The following UGT1A6 variants were observed in gnomAD, a reference collection of about 807,000 sequenced individuals.
UGT1A6 encodes UDP-glucuronosyltransferase 1A6.
UGT1A6 carries 32 observed loss-of-function variants against 44.4 expected under a neutral mutation model. The ratio of observed to expected loss-of-function variants is 0.72; its 90% CI spans 0.54 to 0.97. The LOEUF (loss-of-function observed/expected upper bound fraction) is 0.97. Among genes scored for constraint, UGT1A6 ranks in the 50% least tolerant of loss-of-function variants. UGT1A6 has a pLI of 0.00. For synonymous variants in UGT1A6, 238 were observed against 248.5 expected (o/e 0.96, Z 0.40); for missense variants, 685 against 661.9 (o/e 1.03, Z -0.38).
At chr2:233,768,114 G>T in intron 3 of UGT1A6, 106 bp from the exon 4 acceptor site, 2 of 1,597,766 alleles carry the variant, frequency 1.3e-6, no homozygotes. Flanking sequence ...TTCTGCAAGG[G>T]CATGTGAGTA....
intron 1 of UGT1A6, among the ~76,000 whole-genome samples, chr2:233,716,262 C>T (rs2076494845): frequency 6.6e-6 from 1 of 152,162 alleles, no homozygotes; most frequent in Admixed American, 6.5e-5. Flanking sequence ...GCATAATCTC[C>T]CCATGTCAAA....
chr2:233,734,102 A>G (rs1165382391), intron 1 of UGT1A6, among the ~76,000 whole-genome samples: 2 of 142,668 alleles, frequency 1.4e-5, no homozygotes, highest in East Asian at 3.9e-4. Flanking sequence ...AACTTAAAGT[A>G]TAATAATAAT....
At chr2:233,709,379 A>T (rs1314181850) in intron 1 of UGT1A6, among the ~76,000 whole-genome samples, 1 of 152,092 alleles carries the variant, frequency 6.6e-6, no homozygotes, top group Non-Finnish European at 1.5e-5. Context: ...TCCTAATCTA[A>T]ATTTCTTTTA....
At chr2:233,754,376 G>C (rs1425062905) in intron 1 of UGT1A6, 2 of 288,414 alleles carry the variant, frequency 6.9e-6, no homozygotes, top group African/African-American at 2.2e-5. Context: ...ATGATCGAAA[G>C]ACAAACAGAG....
rs1226545500 is a variant in UGT1A6 at position 233,773,111 on chromosome 2, T to C, written c.*552T>C. On this transcript the variant is annotated 3_prime_UTR_variant, in exon 5 of 5. Transcript: ENST00000305139. ...GCACTGAGAACAGCATATGATTTCT[T>C]GCTTTGGGGAAAAAGAATGATGCTA... The C allele has an allele frequency of 6.4e-6, 1 of 155,166 alleles. No individual in the cohort carries two copies. Among genetic ancestry groups the C allele is most frequent in the Non-Finnish European group, 1.4e-5 (1 of 69,776 alleles). 9.6% of individuals were successfully genotyped at this position (155,166 alleles called of 1,614,324 possible).
chr2:233,704,330 C>T (rs1355795459), intron 1 of UGT1A6, among the ~76,000 whole-genome samples: 1 of 143,058 alleles, frequency 7.0e-6, no homozygotes, highest in African/African-American at 2.7e-5. Flanking sequence ...TTTCTTTCCA[C>T]TATTTAAAAA....
chr2:233,691,989 T>C (rs1304927281), upstream of UGT1A6: 1 of 152,252 alleles, frequency 6.6e-6, no homozygotes, highest in African/African-American at 2.4e-5. Context: ...CCTAAGTTTA[T>C]GTAAAGGAGA....
In UGT1A6 at chr2:233,768,259, C is replaced by T. The variant is rs72551353; in HGVS notation, c.1121C>T (p.Ser374Phe). ...MTRAFITHAGSHGVYESICNG... is the reference protein window; with the variant it reads ...MTRAFITHAGFHGVYESICNG... ...CGTGCCTTTATCACCCATGCTGGTT[C>T]CCATGGTGTTTATGAAAGCATATGC... Residue 374 changes from serine (S) to phenylalanine (F), a missense_variant, in exon 4 of 5, where the codon TCC becomes TTC. Ser to Phe is a radical substitution (Grantham distance 155). Coordinates refer to ENST00000305139, the MANE Select transcript of UGT1A6 (RefSeq NM_001072.4). The T allele has an allele frequency of 1.8e-5, 29 of 1,614,010 alleles. No homozygotes were observed. The highest frequency in any genetic ancestry group is 2.4e-5 in the Non-Finnish European group (28 of 1,180,040).
chr2:233,696,132 A>G (rs1187117199), intron 1 of UGT1A6, among the ~76,000 whole-genome samples: 2 of 152,204 alleles, frequency 1.3e-5, no homozygotes, highest in African/African-American at 4.8e-5. Flanking sequence ...CTGCCCCAAT[A>G]TATCCCATTG....
chr2:233,742,094 GA>G (rs1559385588), intron 1 of UGT1A6: 1 of 151,908 alleles, frequency 6.6e-6, no homozygotes, highest in East Asian at 1.9e-4. Context: ...ACATTTCCAG[GA>G]CCCACTGCCA....
Position 233,767,908 on chromosome 2 carries a change from T to C in UGT1A6, c.1053T>C (p.Val351=). ...PSNLANNTIL[V]KWLPQNDLLG... ...ATCTTGCGAACAACACGATACTTGT[T>C]AAGTGGCTACCCCAAAACGATCTGC... The change falls in exon 3 of 5, where the codon GTT becomes GTC. Residue 351 remains valine (V), a synonymous_variant. Coordinates refer to ENST00000305139, the MANE Select transcript of UGT1A6 (RefSeq NM_001072.4). 6.2e-7 allele frequency: 1 copy of C among 1,614,222 alleles called. No individual in the cohort carries two copies.
intron 1 of UGT1A6, among the ~76,000 whole-genome samples, chr2:233,745,073 T>G (rs1693008266): frequency 6.6e-6 from 1 of 151,914 alleles, no homozygotes; most frequent in South Asian, 2.1e-4. Context: ...TTTGTATTGT[T>G]TTTTCATTGC....
At chr2:233,729,668 A>C (rs1346265450) in intron 1 of UGT1A6, 12 of 1,613,764 alleles carry the variant, frequency 7.4e-6, no homozygotes, top group Non-Finnish European at 1.0e-5. Context: ...TGTGATTTAG[A>C]CTTTAAGGGC....
intron 1 of UGT1A6, chr2:233,743,951 A>T: frequency 7.4e-7 from 1 of 1,344,342 alleles, no homozygotes; most frequent in Non-Finnish European, 9.9e-7. Flanking sequence ...AGGCACTGGC[A>T]CAGCGAGCGG....
At chr2:233,710,056 C>A (rs2076108009) in intron 1 of UGT1A6, among the ~76,000 whole-genome samples, 1 of 152,224 alleles carries the variant, frequency 6.6e-6, no homozygotes, top group Admixed American at 6.5e-5. Context: ...TTTGGCTCGG[C>A]ATAATGTCTC....
intron 1 of UGT1A6, among the ~76,000 whole-genome samples, chr2:233,766,551 C>T (rs564580695): frequency 6.6e-6 from 1 of 152,328 alleles, no homozygotes; most frequent in East Asian, 1.9e-4. Flanking sequence ...TGCCTGTCCT[C>T]ACCTAGGTCC....
intron 1 of UGT1A6, among the ~76,000 whole-genome samples, chr2:233,718,371 GAAGA>G (rs1356722234): frequency 1.3e-5 from 2 of 152,202 alleles, no homozygotes; most frequent in African/African-American, 4.8e-5. Context: ...TCACATATGA[GAAGA>G]AAGAGTTTCA....
intron 1 of UGT1A6, among the ~76,000 whole-genome samples, chr2:233,745,353 A>T (rs1446464476): frequency 1.3e-5 from 2 of 151,782 alleles, no homozygotes; most frequent in African/African-American, 2.4e-5. Flanking sequence ...TTTTGGGGGA[A>T]TTTTTTTGAG....
chr2:233,736,288 C>T (rs896728048), intron 1 of UGT1A6, among the ~76,000 whole-genome samples: 17 of 152,156 alleles, frequency 1.1e-4, no homozygotes, highest in African/African-American at 3.9e-4. Context: ...ACCCTTTCTT[C>T]CAGTTGCTCT....
Sources: allele counts gnomAD v4.1 joint callset (sites outside exome capture counted in the v4.1 genomes callset), GRCh38; gene constraint gnomAD v4.1.1; transcripts MANE v1.5; gene names NCBI Gene and HGNC (gene_info 2026-07-23, HGNC 2026-07-21).